Variants in CDH6 observed in about 807,000 individuals in gnomAD.
CDH6 encodes cadherin 6, also known as cadherin-6.
In CDH6, 31 loss-of-function variants were observed where a neutral mutation model predicts 78.0. That is an observed-to-expected ratio of 0.40 (90% confidence interval 0.30 to 0.54). The LOEUF is 0.54. Ranked by LOEUF, CDH6 falls within the 20% of genes least tolerant of loss-of-function variation. The pLI, the probability that CDH6 is intolerant of heterozygous loss-of-function variation, is 0.56. For synonymous variants in CDH6, 376 were observed against 368.8 expected (o/e 1.02, Z -0.23); for missense variants, 724 against 975.9 (o/e 0.74, Z 3.44).
At chr5:31,277,004 A>C (rs192976013) in intron 2 of CDH6, among the ~76,000 whole-genome samples, 1 of 152,202 alleles carries the variant, frequency 6.6e-6, no homozygotes, top group African/African-American at 2.4e-5. Context: ...GCCAAAGGTG[A>C]ACAGGTGATC....
chr5:31,301,650 C>T (rs941947912), intron 5 of CDH6, among the ~76,000 whole-genome samples: 1 of 152,198 alleles, frequency 6.6e-6, no homozygotes, highest in Non-Finnish European at 1.5e-5. Flanking sequence ...CTGGATACAG[C>T]CTCCAAGTTG....
chr5:31,325,837 G>T lies in CDH6; in HGVS notation c.*2529G>T, dbSNP rs1053885284. 2.2e-5 allele frequency: 5 copies of T among 231,268 alleles called. No individual in the cohort carries two copies. In the Admixed American group the frequency reaches 2.3e-4, roughly 10 times the overall value. 14.3% of individuals were successfully genotyped at this position (231,268 alleles called of 1,614,324 possible). Reference sequence around the variant, plus strand: ...ATTTATAGGAAATTGGATAATTTGAGACTGGGGCTAAATATTTAGTACCAG... The same window carrying T: ...ATTTATAGGAAATTGGATAATTTGATACTGGGGCTAAATATTTAGTACCAG... On this transcript the variant is annotated 3_prime_UTR_variant, in exon 12 of 12. Transcript: ENST00000265071.
intron 2 of CDH6, among the ~76,000 whole-genome samples, chr5:31,272,000 G>A (rs1218008365): frequency 2.0e-5 from 3 of 152,190 alleles, no homozygotes; most frequent in Admixed American, 6.6e-5. Flanking sequence ...ACTGCCAATC[G>A]TGATAACAGA....
At chr5:31,199,812 T>G in intron 1 of CDH6, among the ~76,000 whole-genome samples, 1 of 151,248 alleles carries the variant, frequency 6.6e-6, no homozygotes. Context: ...TTTACTGAGC[T>G]TTTCTATGTC....
At chr5:31,265,336 C>A (rs1742311033) in intron 1 of CDH6, among the ~76,000 whole-genome samples, 1 of 152,186 alleles carries the variant, frequency 6.6e-6, no homozygotes, top group African/African-American at 2.4e-5. Flanking sequence ...TGTTGCCTGG[C>A]ATTTTTCCAG....
At chr5:31,262,245 G>T (rs1207074919) in intron 1 of CDH6, among the ~76,000 whole-genome samples, 1 of 152,156 alleles carries the variant, frequency 6.6e-6, no homozygotes, top group African/African-American at 2.4e-5. Context: ...TATGCATATT[G>T]GCTGCCAGGC....
chr5:31,318,166 T>C (rs1738380922), intron 11 of CDH6: 1 of 604,450 alleles, frequency 1.7e-6, no homozygotes, highest in South Asian at 2.0e-5. Flanking sequence ...AAGAATCTCT[T>C]GTCTATCAGA....
chr5:31,323,252 C>T lies in CDH6; in HGVS notation c.2317C>T (p.Arg773Ter), dbSNP rs867047355. 1 of 1,613,904 alleles carries T rather than the reference C, an allele frequency of 6.2e-7. No individual in the cohort carries two copies. Among genetic ancestry groups the T allele is most frequent in the African/African-American group, 1.3e-5 (1 of 74,896 alleles). The change falls in exon 12 of 12, where the codon CGA (arginine) becomes TGA (stop). Residue 773 changes from arginine (R) to a stop codon, truncating the protein, a stop_gained. Coordinates refer to ENST00000265071, the MANE Select transcript of CDH6 (RefSeq NM_004932.4). LOFTEE classifies it high-confidence loss of function. Reference sequence around the variant, plus strand: ...TGATTACCTTAGTGACTGGGGACCTCGATTCAAAAAGCTTGCAGATATGTA... The same window carrying T: ...TGATTACCTTAGTGACTGGGGACCTTGATTCAAAAAGCTTGCAGATATGTA... The part of the protein sequence containing the change: ...DYDYLSDWGP[R>*]FKKLADMYGG...
intron 1 of CDH6, among the ~76,000 whole-genome samples, chr5:31,253,766 A>G (rs1017487735): frequency 9.9e-5 from 15 of 152,112 alleles, no homozygotes; most frequent in Admixed American, 9.2e-4. Flanking sequence ...TAACTCAACT[A>G]TCTCACCTGG....
At position 31,267,449 on chromosome 5, in the gene CDH6, GCA is replaced by G. The variant is rs1318973059; in HGVS notation, c.-22_-21del. The G allele has an allele frequency of 1.3e-6, 2 of 1,579,800 alleles. No homozygotes were observed. Among genetic ancestry groups the G allele is most frequent in the Non-Finnish European group, 8.7e-7 (1 of 1,148,802 alleles). Reference sequence around the variant, plus strand: ...CTTCCAAGAGTGGGGCACTCACTACGCACAGACTCGACGGTGCCATCAGCATG... The same window carrying G: ...CTTCCAAGAGTGGGGCACTCACTACGCAGACTCGACGGTGCCATCAGCATG... On this transcript the variant is annotated 5_prime_UTR_variant, in exon 2 of 12. Coordinates refer to ENST00000265071, the MANE Select transcript of CDH6 (RefSeq NM_004932.4).
At chr5:31,304,683 CAAAAAA>C (rs11398035) in intron 6 of CDH6, among the ~76,000 whole-genome samples, 1 of 67,926 alleles carries the variant, frequency 1.5e-5, no homozygotes, top group Admixed American at 1.7e-4. Context: ...GACTCCGTCT[CAAAAAA>C]AAAAAAAAAA....
intron 1 of CDH6, among the ~76,000 whole-genome samples, chr5:31,217,689 GAT>G (rs1183626318): frequency 6.6e-6 from 1 of 152,134 alleles, no homozygotes; most frequent in East Asian, 1.9e-4. Context: ...CACAGTAACT[GAT>G]GTTGAGGGGG....
Position 31,302,272 on chromosome 5 carries a change from C to G in CDH6, c.973C>G (p.Gln325Glu). 1.9e-6 allele frequency: 3 copies of G among 1,613,394 alleles called. No homozygotes were observed. The highest frequency in any genetic ancestry group is 2.5e-6 in the Non-Finnish European group (3 of 1,179,472). Residue 325 changes from glutamine to glutamate, a missense_variant, in exon 6 of 12, where the codon CAG (glutamine) becomes GAG (glutamate). Around this residue, in one of 3 missense-constraint regions of CDH6, gnomAD observed 446 missense variants for 684.5 expected, o/e 0.65. Coordinates refer to ENST00000265071, the MANE Select transcript of CDH6 (RefSeq NM_004932.4). ...TGATGTCATCACCGACCAGGAAACC[C>G]AGGAAGGGATTATAACTGTCAAAAA... ...MFDVITDQET[Q>E]EGIITVKKLL...
At chr5:31,318,058 A>G in intron 11 of CDH6, 134 bp downstream of exon 11, 1 of 1,071,860 alleles carries the variant, frequency 9.3e-7, no homozygotes, top group Non-Finnish European at 1.4e-6. Context: ...CATACTGAGA[A>G]TCTGTGCTGT....
chr5:31,262,612 T>G (rs1742240029), intron 1 of CDH6, among the ~76,000 whole-genome samples: 1 of 152,220 alleles, frequency 6.6e-6, no homozygotes, highest in African/African-American at 2.4e-5. Flanking sequence ...CTCCTAATGC[T>G]AAGAGGGAAT....
intron 2 of CDH6, among the ~76,000 whole-genome samples, chr5:31,291,474 C>A (rs1414250856): frequency 6.6e-6 from 1 of 152,196 alleles, no homozygotes; most frequent in African/African-American, 2.4e-5. Context: ...TTCACAACAG[C>A]CTGGCCATGT....
At chr5:31,204,436 C>T (rs1195634398) in intron 1 of CDH6, among the ~76,000 whole-genome samples, 1 of 152,054 alleles carries the variant, frequency 6.6e-6, no homozygotes, top group African/African-American at 2.4e-5. Context: ...TTGGAAGCAA[C>T]ATAAGAGTAA....
intron 1 of CDH6, among the ~76,000 whole-genome samples, chr5:31,215,253 A>G (rs1740831481): frequency 6.6e-6 from 1 of 152,168 alleles, no homozygotes; most frequent in South Asian, 2.1e-4. Context: ...AGGTTTCAAT[A>G]TAGTTTCTAC....
intron 2 of CDH6, among the ~76,000 whole-genome samples, chr5:31,280,047 A>G (rs564617878): frequency 6.6e-6 from 1 of 152,282 alleles, no homozygotes; most frequent in South Asian, 2.1e-4. Context: ...CTCCTTTTCA[A>G]CAGTAGACAT....
Sources: allele counts gnomAD v4.1 joint callset (sites outside exome capture counted in the v4.1 genomes callset), GRCh38; gene constraint gnomAD v4.1.1; regional missense constraint gnomAD v4.1.1; transcripts MANE v1.5; gene names NCBI Gene and HGNC (gene_info 2026-07-23, HGNC 2026-07-21).